SEM1: variants seen among roughly 807,000 people sequenced by gnomAD.
The protein encoded by SEM1 is SEM1 26S proteasome subunit.
In SEM1, 3 loss-of-function variants were observed where a neutral mutation model predicts 12.7. The observed-to-expected ratio is 0.24, with a 90% CI of 0.11 to 0.61. SEM1 has a LOEUF of 0.61. Among genes scored for constraint, SEM1 ranks in the 20% least tolerant of loss-of-function variants. SEM1 has a pLI of 0.88. For missense variants in SEM1, 59 were observed against 81.3 expected (o/e 0.73, Z 1.06); for synonymous variants, 30 against 27.8 (o/e 1.08, Z -0.25).
chr7:96,659,729 T>C, intron 2 of SEM1, among the ~76,000 whole-genome samples: 1 of 152,030 alleles, frequency 6.6e-6, no homozygotes, highest in Non-Finnish European at 1.5e-5. Context: ...CTAATTTTGT[T>C]AAGCTTACTT....
chr7:96,554,576 T>C (rs1805414106), intron 2 of SEM1, among the ~76,000 whole-genome samples: 1 of 150,754 alleles, frequency 6.6e-6, no homozygotes, highest in Admixed American at 6.6e-5. Flanking sequence ...AGCTTTTTGA[T>C]GTGCTGCTGG....
At chr7:96,674,591 C>T (rs1789405521) in intron 2 of SEM1, among the ~76,000 whole-genome samples, 1 of 151,860 alleles carries the variant, frequency 6.6e-6, no homozygotes, top group African/African-American at 2.4e-5. Context: ...GGTTTGGGCT[C>T]GGGAGGTCAA....
At chr7:96,548,192 A>G (rs938818645) in intron 2 of SEM1, among the ~76,000 whole-genome samples, 1 of 152,076 alleles carries the variant, frequency 6.6e-6, no homozygotes, top group African/African-American at 2.4e-5. Context: ...AGAACATCCT[A>G]TTTTCACAGG....
chr7:96,558,897 C>T (rs1474194655), intron 2 of SEM1, among the ~76,000 whole-genome samples: 1 of 152,136 alleles, frequency 6.6e-6, no homozygotes, highest in African/African-American at 2.4e-5. Context: ...TGCAGCCCTG[C>T]TTATGGACTA....
intron 2 of SEM1, among the ~76,000 whole-genome samples, chr7:96,677,381 G>A (rs953640851): frequency 2.6e-5 from 4 of 152,176 alleles, no homozygotes; most frequent in Non-Finnish European, 5.9e-5. Context: ...TGGACTTTGA[G>A]ACAAAGGCCT....
intron 2 of SEM1, among the ~76,000 whole-genome samples, chr7:96,570,120 G>C (rs1805973227): frequency 2.0e-5 from 3 of 151,394 alleles, no homozygotes; most frequent in African/African-American, 7.3e-5. Flanking sequence ...CATAAAGACT[G>C]TACTAATCTG....
intron 2 of SEM1, among the ~76,000 whole-genome samples, chr7:96,664,708 T>A (rs139364649): frequency 6.6e-6 from 1 of 152,312 alleles, no homozygotes; most frequent in Non-Finnish European, 1.5e-5. Context: ...CACATCATTG[T>A]AAAGACACTT....
intron 2 of SEM1, among the ~76,000 whole-genome samples, chr7:96,587,806 C>T (rs544812767): frequency 1.1e-4 from 16 of 152,144 alleles, no homozygotes; most frequent in Admixed American, 3.3e-4. Context: ...CACATACATA[C>T]GTACATAGAT....
At chr7:96,542,115 A>T (rs1160764968) in intron 2 of SEM1, among the ~76,000 whole-genome samples, 4 of 150,000 alleles carry the variant, frequency 2.7e-5, no homozygotes, top group Non-Finnish European at 5.9e-5. Context: ...GAATTTTAGA[A>T]TTTTTTTTCT....
At chr7:96,590,123 C>T (rs948044330) in intron 2 of SEM1, among the ~76,000 whole-genome samples, 5 of 152,022 alleles carry the variant, frequency 3.3e-5, no homozygotes, top group African/African-American at 1.2e-4. Context: ...TGAAATATAA[C>T]TCATTCATTT....
At chr7:96,647,481 G>A (rs1378595135) in intron 2 of SEM1, 2 of 152,228 alleles carry the variant, frequency 1.3e-5, no homozygotes, top group East Asian at 1.9e-4. Context: ...GGATGCTAGC[G>A]ATCCGGTATC....
chr7:96,631,326 G>A (rs184593641), intron 2 of SEM1, among the ~76,000 whole-genome samples: 245 of 152,218 alleles, frequency 1.6e-3, no homozygotes, highest in African/African-American at 5.7e-3. Flanking sequence ...CCTCTGTTTA[G>A]GGCTGGATTA....
intron 2 of SEM1, among the ~76,000 whole-genome samples, chr7:96,641,847 A>T (rs1271459223): frequency 1.3e-5 from 2 of 151,836 alleles, no homozygotes; most frequent in Admixed American, 1.3e-4. Flanking sequence ...TAAGGTTTGA[A>T]CAGATCTTTG....
chr7:96,484,953 G>C (rs555323227), intron 2 of SEM1: 1 of 670,558 alleles, frequency 1.5e-6, no homozygotes, highest in South Asian at 1.5e-5. Flanking sequence ...ACAGTCAGCT[G>C]TTATTCCTGT....
intron 1 of SEM1, among the ~76,000 whole-genome samples, chr7:96,699,073 T>C (rs1042425700): frequency 6.6e-6 from 1 of 152,154 alleles, no homozygotes; most frequent in Non-Finnish European, 1.5e-5. Flanking sequence ...CTTGGTACCC[T>C]CATTCTGATC....
At chr7:96,604,890 G>T (rs1367051460) in intron 2 of SEM1, among the ~76,000 whole-genome samples, 1 of 9,274 alleles carries the variant, frequency 1.1e-4, no homozygotes, top group Non-Finnish European at 7.5e-3. Flanking sequence ...CTGCACTCCA[G>T]CCTGGGCGAG....
At chr7:96,517,375 A>G (rs1345799743) in intron 2 of SEM1, among the ~76,000 whole-genome samples, 1 of 152,164 alleles carries the variant, frequency 6.6e-6, no homozygotes, top group East Asian at 1.9e-4. Context: ...ATGCAAAGGT[A>G]AAAGTGCTCT....
chr7:96,540,937 T>G (rs528288781), intron 2 of SEM1, among the ~76,000 whole-genome samples: 1 of 152,028 alleles, frequency 6.6e-6, no homozygotes, highest in African/African-American at 2.4e-5. Flanking sequence ...TATAGCTGTG[T>G]AGTATTCCAC....
intron 2 of SEM1, among the ~76,000 whole-genome samples, chr7:96,508,993 C>CT (rs11438472): frequency 0.61 from 87,650 of 142,798 alleles, 27,439 homozygotes; most frequent in East Asian, 0.83. Context: ...AGAAACACAA[C>CT]TTTTTTTTTT....
Sources: allele counts gnomAD v4.1 joint callset (sites outside exome capture counted in the v4.1 genomes callset), GRCh38; gene constraint gnomAD v4.1.1; transcripts MANE v1.5; gene names NCBI Gene and HGNC (gene_info 2026-07-23, HGNC 2026-07-21).